Variants in FAM161A observed in about 807,000 individuals in gnomAD.
The protein encoded by FAM161A is protein FAM161A.
In FAM161A, 57 loss-of-function variants were observed where a neutral mutation model predicts 70.9. The ratio of observed to expected loss-of-function variants is 0.80; its 90% CI spans 0.65 to 1.00. The LOEUF is 1.00. Ranked by LOEUF, FAM161A falls within the 50% of genes least tolerant of loss-of-function variation. The pLI, the probability that FAM161A is intolerant of heterozygous loss-of-function variation, is 0.00. For missense variants in FAM161A, 880 were observed against 836.0 expected (o/e 1.05, Z -0.65); for synonymous variants, 299 against 295.7 (o/e 1.01, Z -0.12).
the FAM161A span, among the ~76,000 whole-genome samples, chr2:61,807,850 A>C: frequency 2.0e-5 from 3 of 152,130 alleles, no homozygotes; most frequent in African/African-American, 7.2e-5. Flanking sequence ...TATGTTGTCC[A>C]GGCTGGTCTC....
intron 4 of FAM161A, among the ~76,000 whole-genome samples, chr2:61,837,371 T>C (rs761423114): frequency 1.3e-4 from 20 of 152,236 alleles, no homozygotes; most frequent in Non-Finnish European, 2.6e-4. Context: ...ATTTTCTCTA[T>C]GTAAGATATA....
chr2:61,808,712 A>G, the FAM161A span, among the ~76,000 whole-genome samples: 2 of 152,188 alleles, frequency 1.3e-5, no homozygotes, highest in African/African-American at 2.4e-5. Flanking sequence ...GAAGGCTTGG[A>G]GGAGAAAAGG....
At position 61,839,513 on chromosome 2, in the gene FAM161A, T is replaced by C; in HGVS notation, c.1491A>G (p.Ser497=). The C allele has an allele frequency of 6.2e-7, 1 of 1,614,200 alleles. No homozygotes were observed. Among genetic ancestry groups the C allele is most frequent in the Non-Finnish European group, 8.5e-7 (1 of 1,180,032 alleles). The change falls in exon 3 of 7, where the codon TCA becomes TCG. Residue 497 remains serine (S), a synonymous_variant. Coordinates refer to ENST00000404929, the MANE Select transcript of FAM161A (RefSeq NM_001201543.2). Reference sequence around the variant, plus strand: ...GGTTTACACCTGCACATCTTACTGGTGACTTACGCCTTGGAGACAAATAAG... The same window carrying C: ...GGTTTACACCTGCACATCTTACTGGCGACTTACGCCTTGGAGACAAATAAG... ...RWPYLSPRRK[S]PVRCAGVNPV... is the part of the protein sequence containing the mutation.
At chr2:61,828,654 G>A (rs905912203) in intron 5 of FAM161A, among the ~76,000 whole-genome samples, 3 of 152,116 alleles carry the variant, frequency 2.0e-5, no homozygotes, top group Non-Finnish European at 4.4e-5. Context: ...TGTATCTACT[G>A]TAATTTTTAC....
chr2:61,831,103 C>T (rs534722003), intron 5 of FAM161A, among the ~76,000 whole-genome samples: 7 of 100,146 alleles, frequency 7.0e-5, no homozygotes, highest in Non-Finnish European at 9.9e-5. Context: ...CAGAGTGAGA[C>T]GCCTTCTCAA....
chr2:61,836,865 C>T (rs1450209030), intron 4 of FAM161A: 1 of 236,380 alleles, frequency 4.2e-6, no homozygotes, highest in Non-Finnish European at 9.4e-6. Flanking sequence ...TGAGCCATTG[C>T]GCCTGGCCTA....
chr2:61,850,921 C>A (rs1325441981), intron 1 of FAM161A, among the ~76,000 whole-genome samples: 1 of 152,154 alleles, frequency 6.6e-6, no homozygotes, highest in African/African-American at 2.4e-5. Context: ...GTTGTCCAGG[C>A]TGGAATACAA....
the FAM161A span, among the ~76,000 whole-genome samples, chr2:61,807,569 AAGTGGGGG>A: frequency 6.6e-6 from 1 of 150,726 alleles, no homozygotes; most frequent in South Asian, 2.1e-4. Flanking sequence ...AGGCTCTGCA[AAGTGGGGG>A]ACTTTGCAGA....
chr2:61,821,472 A>T (rs963236904), downstream of FAM161A, among the ~76,000 whole-genome samples: 1 of 152,244 alleles, frequency 6.6e-6, no homozygotes, highest in African/African-American at 2.4e-5. Flanking sequence ...AAATGAAAAA[A>T]TAATTAGAGT....
At chr2:61,852,293 C>CAT (rs1287958688) in intron 1 of FAM161A, among the ~76,000 whole-genome samples, 4 of 152,208 alleles carry the variant, frequency 2.6e-5, no homozygotes, top group African/African-American at 9.6e-5. Context: ...ACTGTGGAAG[C>CAT]ATATCTGCAA....
At chr2:61,804,768 GAGAAAGAAAGAAAGAAAGAAAGAAAGAA>G in the FAM161A span, among the ~76,000 whole-genome samples, 2 of 118,952 alleles carry the variant, frequency 1.7e-5, no homozygotes, top group Non-Finnish European at 3.5e-5. Context: ...GAAAAAGAAA[GAGAAAGAAAGAAAGAAAGAAAGAAAGAA>G]AGAAAGAAAG....
chr2:61,827,251 G>T lies in FAM161A; in HGVS notation c.1859C>A (p.Ala620Glu). 6.2e-7 allele frequency: 1 copy of T among 1,612,946 alleles called. No homozygotes were observed. Among genetic ancestry groups the T allele is most frequent in the South Asian group, 1.1e-5 (1 of 91,076 alleles). Residue 620 changes from alanine to glutamate, a missense_variant, in exon 6 of 7, where the codon GCA becomes GAA. Ala to Glu is a moderately radical substitution (Grantham distance 107, BLOSUM62 -1). Coordinates refer to ENST00000404929, the MANE Select transcript of FAM161A (RefSeq NM_001201543.2). Reference sequence around the variant, plus strand: ...ATAATGCTTTTCTGCTGCCATTCTTGCATTTTTCTATAGGAAAGACAAACC... The same window carrying T: ...ATAATGCTTTTCTGCTGCCATTCTTTCATTTTTCTATAGGAAAGACAAACC... ...LLFERVAQKNARMAAEKHYSN... is the reference protein window; with the variant it reads ...LLFERVAQKNERMAAEKHYSN...
chr2:61,849,223 T>C (rs984282020), intron 1 of FAM161A, among the ~76,000 whole-genome samples: 1 of 145,058 alleles, frequency 6.9e-6, no homozygotes, highest in African/African-American at 2.6e-5. Flanking sequence ...GGCCAGAGAA[T>C]AGAATACATA....
chr2:61,843,711 A>C (rs1673102083), intron 1 of FAM161A, among the ~76,000 whole-genome samples: 1 of 152,224 alleles, frequency 6.6e-6, no homozygotes, highest in African/African-American at 2.4e-5. Context: ...TATAAATAGT[A>C]GTTATAGATG....
chr2:61,815,611 C>T, the FAM161A span, among the ~76,000 whole-genome samples: 46 of 131,228 alleles, frequency 3.5e-4, no homozygotes, highest in African/African-American at 1.3e-3. Flanking sequence ...AGTGCAGTGG[C>T]GCGGTCTCAG....
At chr2:61,809,445 C>T in the FAM161A span, among the ~76,000 whole-genome samples, 2 of 152,188 alleles carry the variant, frequency 1.3e-5, no homozygotes, top group Non-Finnish European at 2.9e-5. Flanking sequence ...GAATTCCAGA[C>T]TCATAAATCC....
At chr2:61,821,742 C>T (rs986978946), downstream of FAM161A, among the ~76,000 whole-genome samples, 9 of 151,848 alleles carry the variant, frequency 5.9e-5, no homozygotes, top group South Asian at 4.2e-4. Context: ...GAAATCTGGT[C>T]AGAATATTGG....
At chr2:61,819,279 T>C in the FAM161A span, among the ~76,000 whole-genome samples, 1 of 152,134 alleles carries the variant, frequency 6.6e-6, no homozygotes, top group African/African-American at 2.4e-5. Context: ...CTGGGCAACA[T>C]GGCAAAACCT....
intron 1 of FAM161A, among the ~76,000 whole-genome samples, chr2:61,849,507 C>T (rs1262279561): frequency 6.6e-6 from 1 of 151,716 alleles, no homozygotes; most frequent in Non-Finnish European, 1.5e-5. Context: ...AAAATTAGGC[C>T]AGGATGGTGG....
Sources: gnomAD v4.1 joint callset for allele counts (sites outside exome capture counted in the v4.1 genomes callset) on GRCh38, gnomAD v4.1.1 for gene constraint, MANE v1.5 for transcripts, NCBI Gene and HGNC (gene_info 2026-07-23, HGNC 2026-07-21) for gene names.